Variants in SKAP1 observed in about 807,000 individuals in gnomAD.
SKAP1 encodes src kinase associated phosphoprotein 1.
In SKAP1, 44 loss-of-function variants were observed where a neutral mutation model predicts 58.5. The observed-to-expected ratio is 0.75, with a 90% CI of 0.59 to 0.97. SKAP1 has a LOEUF of 0.97. Ranked by LOEUF, SKAP1 falls within the 50% of genes least tolerant of loss-of-function variation. SKAP1 has a pLI of 0.00. For missense variants in SKAP1, 390 were observed against 435.2 expected, an observed-to-expected ratio of 0.90 and a Z score of 0.92; for synonymous variants, 127 against 149.7, an observed-to-expected ratio of 0.85 and a Z score of 1.11.
chr17:48,443,782 GT>G, the SKAP1 span, among the ~76,000 whole-genome samples: 3 of 151,874 alleles, frequency 2.0e-5, no homozygotes, highest in African/African-American at 4.8e-5. Flanking sequence ...GGCCTGTTGG[GT>G]TTTTTAAAAA....
At chr17:48,238,372 G>T (rs2065205289) in intron 4 of SKAP1, among the ~76,000 whole-genome samples, 1 of 152,108 alleles carries the variant, frequency 6.6e-6, no homozygotes, top group South Asian at 2.1e-4. Flanking sequence ...ATGTAGTCAT[G>T]AAACTTGACA....
chr17:48,413,523 A>AATATATATATATATATATATATAT (rs1555624885), intron 1 of SKAP1, among the ~76,000 whole-genome samples: 7 of 105,314 alleles, frequency 6.6e-5, no homozygotes, highest in Admixed American at 1.1e-4. Flanking sequence ...TCAAAAAAAA[A>AATATATATATATATATATATATAT]ATATATATAT....
intron 11 of SKAP1, among the ~76,000 whole-genome samples, chr17:48,141,033 C>T (rs925514990): frequency 1.1e-4 from 17 of 151,794 alleles, no homozygotes; most frequent in East Asian, 3.9e-4. Flanking sequence ...GTGAGCCACC[C>T]GCCTCGGCCT....
intron 11 of SKAP1, among the ~76,000 whole-genome samples, chr17:48,149,600 G>T (rs574273868): frequency 6.6e-6 from 1 of 152,054 alleles, no homozygotes; most frequent in African/African-American, 2.4e-5. Context: ...ATCCCTCTAG[G>T]GGGTGTCACA....
At chr17:48,329,562 C>T (rs1324010898) in intron 4 of SKAP1, among the ~76,000 whole-genome samples, 2 of 152,126 alleles carry the variant, frequency 1.3e-5, no homozygotes, top group Non-Finnish European at 2.9e-5. Flanking sequence ...CAAAAATTAG[C>T]CGGGCGTGGC....
At chr17:48,290,986 T>A (rs1567854891) in intron 4 of SKAP1, among the ~76,000 whole-genome samples, 1 of 151,858 alleles carries the variant, frequency 6.6e-6, no homozygotes, top group Non-Finnish European at 1.5e-5. Context: ...AGACAAAAAA[T>A]TAGCTGGCTG....
chr17:48,238,485 A>G (rs934725395), intron 4 of SKAP1, among the ~76,000 whole-genome samples: 1 of 151,874 alleles, frequency 6.6e-6, no homozygotes, highest in Non-Finnish European at 1.5e-5. Context: ...CTGTAGCCTC[A>G]ACCTCCCAGG....
chr17:48,188,072 G>C, intron 5 of SKAP1, 146 bp from the exon 6 acceptor site: 1 of 606,188 alleles, frequency 1.6e-6, no homozygotes. Context: ...ACTCCCACAG[G>C]TTATCCCATA....
At chr17:48,223,612 T>C (rs768258854) in intron 4 of SKAP1, among the ~76,000 whole-genome samples, 10 of 152,216 alleles carry the variant, frequency 6.6e-5, no homozygotes, top group Non-Finnish European at 1.3e-4. Context: ...TAAATCAGTC[T>C]AAGCACAGAA....
At chr17:48,285,530 G>A (rs1215725000) in intron 4 of SKAP1, among the ~76,000 whole-genome samples, 1 of 151,540 alleles carries the variant, frequency 6.6e-6, no homozygotes, top group Non-Finnish European at 1.5e-5. Flanking sequence ...CAGGAAAATC[G>A]CTTGAGTCTG....
chr17:48,308,240 A>G (rs2066175382), intron 4 of SKAP1: 1 of 152,250 alleles, frequency 6.6e-6, no homozygotes, highest in African/African-American at 2.4e-5. Context: ...CCATCCTTCC[A>G]AAAGTACAAC....
At chr17:48,364,113 G>C (rs1312653463) in intron 2 of SKAP1, among the ~76,000 whole-genome samples, 1 of 152,188 alleles carries the variant, frequency 6.6e-6, no homozygotes, top group Non-Finnish European at 1.5e-5. Context: ...AGCTCTACGG[G>C]CTTTCAGCAG....
intron 11 of SKAP1, among the ~76,000 whole-genome samples, chr17:48,144,119 G>A (rs1261504870): frequency 6.6e-6 from 1 of 152,192 alleles, no homozygotes; most frequent in Admixed American, 6.5e-5. Context: ...CAAAAGAGCA[G>A]GCAGAAGTGT....
At chr17:48,270,772 T>C (rs2065620499) in intron 4 of SKAP1, among the ~76,000 whole-genome samples, 1 of 152,184 alleles carries the variant, frequency 6.6e-6, no homozygotes, top group Non-Finnish European at 1.5e-5. Context: ...ATTGTTATCA[T>C]TGTGTTTATG....
intron 4 of SKAP1, among the ~76,000 whole-genome samples, chr17:48,214,930 GTAAAATAAAATAAAA>G (rs58154261): frequency 4.7e-5 from 6 of 126,880 alleles, no homozygotes; most frequent in African/African-American, 1.5e-4. Context: ...TCAAAATAAA[GTAAAATAAAATAAAA>G]TAAAATAAAA....
intron 11 of SKAP1, among the ~76,000 whole-genome samples, chr17:48,157,946 G>T (rs1234727936): frequency 1.3e-4 from 19 of 151,344 alleles, no homozygotes; most frequent in African/African-American, 4.6e-4. Context: ...AGGAGGCCGA[G>T]GTGGGTGGAT....
At chr17:48,303,839 T>C (rs2144141411) in intron 4 of SKAP1, among the ~76,000 whole-genome samples, 1 of 152,272 alleles carries the variant, frequency 6.6e-6, no homozygotes, top group South Asian at 2.1e-4. Flanking sequence ...TGAAATAAAC[T>C]GTCAATGTTT....
chr17:48,138,514 C>T (rs755361069), intron 11 of SKAP1, among the ~76,000 whole-genome samples: 4 of 151,866 alleles, frequency 2.6e-5, no homozygotes, highest in African/African-American at 7.3e-5. Flanking sequence ...GGATTACAGG[C>T]GCGCACCACC....
At chr17:48,433,392 C>A (rs753354549), upstream of SKAP1, among the ~76,000 whole-genome samples, 2 of 152,158 alleles carry the variant, frequency 1.3e-5, no homozygotes, top group African/African-American at 2.4e-5. Context: ...TTCTGTGTGG[C>A]TGGGTACTAT....
Sources: gnomAD v4.1 joint callset for allele counts (sites outside exome capture counted in the v4.1 genomes callset) on GRCh38, gnomAD v4.1.1 for gene constraint, MANE v1.5 for transcripts, NCBI Gene and HGNC (gene_info 2026-07-23, HGNC 2026-07-21) for gene names.